Variants in COL13A1 observed in about 807,000 individuals in gnomAD.
COL13A1 encodes the protein collagen type XIII alpha 1 chain, also known as collagen alpha-1(XIII) chain.
A neutral mutation model predicts 130.9 loss-of-function variants in COL13A1; 89 were observed. The observed-to-expected ratio is 0.68, with a 90% CI of 0.57 to 0.81. The LOEUF is 0.81. COL13A1 is among the 30% of genes least tolerant of loss of function. COL13A1 has a pLI of 0.00. For missense variants in COL13A1, 879 were observed against 934.6 expected, an observed-to-expected ratio of 0.94 and a Z score of 0.78; for synonymous variants, 402 against 341.6, an observed-to-expected ratio of 1.18 and a Z score of -1.95.
At position 69,928,381 on chromosome 10, in the gene COL13A1, C is replaced by T. The variant is rs189239191; in HGVS notation, c.1423-556C>T. ...CACTCCCAGCCCCAGGCCACCACTGCTCTGCGTCACTTCTGTCACTGTAGA... is the reference window on the plus strand; with the variant it reads ...CACTCCCAGCCCCAGGCCACCACTGTTCTGCGTCACTTCTGTCACTGTAGA... On this transcript the variant is annotated intron_variant, in intron 27 of 40. Transcript: ENST00000645393. 1.2e-3 allele frequency among the ~76,000 whole-genome samples: 178 copies of T among 152,310 alleles called. 1 individual carries two copies. Among genetic ancestry groups the T allele is most frequent in the African/African-American group, 3.9e-3 (163 of 41,562 alleles).
At chr10:69,888,550 G>A (rs903595636) in intron 9 of COL13A1, among the ~76,000 whole-genome samples, 2 of 152,166 alleles carry the variant, frequency 1.3e-5, no homozygotes, top group East Asian at 1.9e-4. Flanking sequence ...CTTGGCTTTC[G>A]AAGTCCAGGC....
chr10:69,956,259 C>T (rs1406286228), intron 39 of COL13A1: 1 of 152,288 alleles, frequency 6.6e-6, no homozygotes, highest in East Asian at 1.9e-4. Flanking sequence ...AGGAAAGTTT[C>T]TATCACCAAG....
Position 69,929,003 on chromosome 10 carries a change from A to C in COL13A1, c.1485+4A>C. On this transcript the variant is annotated splice_donor_region_variant and intron_variant, in intron 28 of 40. Coordinates refer to ENST00000645393, the MANE Select transcript of COL13A1 (RefSeq NM_001368882.1). ...TCCAGGGATTCCAGGCCAGAAGGTA[A>C]ATCTTATCTTGACAAAGGGGGTGAA... 1 of 1,612,224 alleles carries C rather than the reference A, an allele frequency of 6.2e-7. No individual in the cohort carries two copies. The highest frequency in any genetic ancestry group is 8.5e-7 in the Non-Finnish European group (1 of 1,179,104).
chr10:69,930,182 T>C (rs1353481449), intron 29 of COL13A1, 95 bp downstream of exon 29: 3 of 1,311,418 alleles, frequency 2.3e-6, no homozygotes, highest in African/African-American at 1.5e-5. Context: ...GGCCCTGGTG[T>C]GAGCCCAGTG....
intron 2 of COL13A1, among the ~76,000 whole-genome samples, chr10:69,862,803 A>G (rs1858544291): frequency 6.6e-6 from 1 of 152,136 alleles, no homozygotes; most frequent in South Asian, 2.1e-4. Context: ...CAGGTTTTTC[A>G]TCTGTAGAGT....
chr10:69,804,650 CT>C (rs57012318), intron 1 of COL13A1, among the ~76,000 whole-genome samples: 49,946 of 142,020 alleles, frequency 0.35, 9,379 homozygotes, highest in Non-Finnish European at 0.42. Flanking sequence ...ATCCTGCCAC[CT>C]TTTTTTTTTT....
rs1342225389 is a variant in COL13A1 at position 69,923,863 on chromosome 10, G to A, written c.1284+8G>A. 6.2e-7 allele frequency: 1 copy of A among 1,611,420 alleles called. No individual in the cohort carries two copies. Among genetic ancestry groups the A allele is most frequent in the Non-Finnish European group, 8.5e-7 (1 of 1,179,018 alleles). On this transcript the variant is annotated splice_region_variant and intron_variant, in intron 24 of 40. Transcript: ENST00000645393. ...GGGCAGCCAGGAGACAAGGTACAGA[G>A]ACCCCCACATCCCAGAGCTGCAAGA...
intron 2 of COL13A1, among the ~76,000 whole-genome samples, chr10:69,856,641 A>C (rs1030789973): frequency 6.6e-6 from 1 of 152,172 alleles, no homozygotes; most frequent in Non-Finnish European, 1.5e-5. Context: ...GAAGGAGAGG[A>C]TGTGAAGCCG....
At chr10:69,953,600 G>A (rs1449904933) in intron 39 of COL13A1, among the ~76,000 whole-genome samples, 1 of 152,180 alleles carries the variant, frequency 6.6e-6, no homozygotes, top group Non-Finnish European at 1.5e-5. Flanking sequence ...TAATGATGAG[G>A]CACTTCTGCT....
intron 38 of COL13A1, 39 bp from the exon 39 acceptor site, chr10:69,952,843 T>C: frequency 7.3e-7 from 1 of 1,379,044 alleles, no homozygotes; most frequent in Non-Finnish European, 9.9e-7. Flanking sequence ...GATCTTAAAG[T>C]TTTGATGTTT....
At chr10:69,905,058 G>C in intron 16 of COL13A1, 99 bp downstream of exon 16, 2 of 1,345,482 alleles carry the variant, frequency 1.5e-6, no homozygotes, top group South Asian at 2.6e-5. Context: ...GGAGCAGAGA[G>C]GGATCTCAGC....
chr10:69,942,075 G>A (rs916670057), intron 35 of COL13A1, among the ~76,000 whole-genome samples: 1 of 152,218 alleles, frequency 6.6e-6, no homozygotes, highest in African/African-American at 2.4e-5. Flanking sequence ...CTGAAGCACA[G>A]GCTCACAGGT....
chr10:69,881,225 C>A (rs914930159), intron 7 of COL13A1, among the ~76,000 whole-genome samples: 2 of 152,162 alleles, frequency 1.3e-5, no homozygotes, highest in Non-Finnish European at 2.9e-5. Context: ...AATCACCACA[C>A]GTCAGGGTGG....
intron 2 of COL13A1, among the ~76,000 whole-genome samples, chr10:69,843,401 T>A (rs959503416): frequency 1.1e-4 from 16 of 151,902 alleles, no homozygotes; most frequent in Non-Finnish European, 2.9e-5. Context: ...ACCTCTAGGG[T>A]CTTTTTTCAT....
At chr10:69,857,683 T>C (rs920951230) in intron 2 of COL13A1, among the ~76,000 whole-genome samples, 3 of 148,500 alleles carry the variant, frequency 2.0e-5, no homozygotes, top group Non-Finnish European at 3.0e-5. Context: ...GGTTAGGGAC[T>C]GCTGCCCTAG....
intron 2 of COL13A1, among the ~76,000 whole-genome samples, chr10:69,837,946 C>T (rs1850543542): frequency 6.6e-6 from 1 of 152,212 alleles, no homozygotes; most frequent in South Asian, 2.1e-4. Flanking sequence ...ATGTGACGAG[C>T]CACTTTCTCA....
At chr10:69,823,944 A>T (rs1400883978) in intron 2 of COL13A1, among the ~76,000 whole-genome samples, 1 of 152,186 alleles carries the variant, frequency 6.6e-6, no homozygotes. Flanking sequence ...CTCATGGGAC[A>T]GCCCATGTTT....
At chr10:69,913,128 C>T (rs1445549881) in intron 17 of COL13A1, among the ~76,000 whole-genome samples, 7 of 152,224 alleles carry the variant, frequency 4.6e-5, no homozygotes, top group African/African-American at 1.7e-4. Flanking sequence ...CAATCCATCC[C>T]TTCCTGCATT....
chr10:69,924,886 C>A, intron 24 of COL13A1, 77 bp from the exon 25 acceptor site: 1 of 1,419,670 alleles, frequency 7.0e-7, no homozygotes, highest in Non-Finnish European at 9.4e-7. Flanking sequence ...TGGCCCTTAT[C>A]ACATGGCCCA....
Sources: allele counts gnomAD v4.1 joint callset (sites outside exome capture counted in the v4.1 genomes callset), GRCh38; gene constraint gnomAD v4.1.1; transcripts MANE v1.5; gene names NCBI Gene and HGNC (gene_info 2026-07-23, HGNC 2026-07-21).